The following SCNN1B variants were observed in gnomAD, a reference collection of about 807,000 sequenced individuals.
SCNN1B encodes the protein sodium channel epithelial 1 subunit beta.
A neutral mutation model predicts 65.3 loss-of-function variants in SCNN1B; 46 were observed. The observed-to-expected ratio is 0.70, with a 90% CI of 0.56 to 0.90. The LOEUF is 0.90. Among genes scored for constraint, SCNN1B ranks in the 40% least tolerant of loss-of-function variants. The pLI is 0.00. For synonymous variants in SCNN1B, 349 were observed against 330.6 expected, an observed-to-expected ratio of 1.06 and a Z score of -0.60; for missense variants, 751 against 830.5, an observed-to-expected ratio of 0.90 and a Z score of 1.18.
At chr16:23,364,025 G>A (rs1258628142) in intron 4 of SCNN1B, among the ~76,000 whole-genome samples, 3 of 151,850 alleles carry the variant, frequency 2.0e-5, no homozygotes, top group Non-Finnish European at 4.4e-5. Context: ...AAATTAGCCA[G>A]GCGTGGTGGC....
chr16:23,371,116 G>A (rs1050913158), intron 5 of SCNN1B, among the ~76,000 whole-genome samples, 183 bp from the exon 6 acceptor site: 1 of 152,238 alleles, frequency 6.6e-6, no homozygotes, highest in Non-Finnish European at 1.5e-5. Flanking sequence ...CTGCCTTAGA[G>A]ATGATGGGGG....
intron 2 of SCNN1B, among the ~76,000 whole-genome samples, chr16:23,288,227 A>G (rs1282504292): frequency 6.6e-6 from 1 of 152,162 alleles, no homozygotes; most frequent in East Asian, 1.9e-4. Context: ...GGATATATCT[A>G]TAAAAGAAAA....
chr16:23,321,926 A>G (rs919768838), intron 1 of SCNN1B, among the ~76,000 whole-genome samples: 7 of 152,062 alleles, frequency 4.6e-5, no homozygotes, highest in Non-Finnish European at 1.0e-4. Context: ...TCAGGAAGCT[A>G]AGGTGGAAGG....
intron 2 of SCNN1B, among the ~76,000 whole-genome samples, chr16:23,295,040 G>T (rs1012174515): frequency 2.0e-5 from 3 of 151,960 alleles, no homozygotes; most frequent in Non-Finnish European, 4.4e-5. Context: ...CTCTCCTCTG[G>T]CCTGCATTTG....
chr16:23,355,339 C>T lies in SCNN1B; in HGVS notation c.626C>T (p.Thr209Ile). The T allele has an allele frequency of 1.2e-6, 2 of 1,614,216 alleles. No individual in the cohort carries two copies. The highest frequency in any genetic ancestry group is 1.7e-6 in the Non-Finnish European group (2 of 1,180,034). The change falls in exon 4 of 13, where the codon ACC (threonine) becomes ATC (isoleucine). Residue 209 changes from threonine to isoleucine, a missense_variant. Physicochemically the swap from Thr to Ile is moderately conservative, Grantham distance 89. Coordinates refer to ENST00000343070, the MANE Select transcript of SCNN1B (RefSeq NM_000336.3). Reference protein sequence around the residue: ...NRTQCTFRNFTSATQALTEWY... With the variant: ...NRTQCTFRNFISATQALTEWY... ...ACCCAGTGTACCTTCCGGAACTTCA[C>T]CAGTGCTACCCAGGCATTGACAGAG...
chr16:23,304,194 G>A, intron 1 of SCNN1B: 2 of 985,870 alleles, frequency 2.0e-6, no homozygotes, highest in Non-Finnish European at 3.1e-6. Flanking sequence ...CACAGGATCT[G>A]AATTTAGGGG....
intron 2 of SCNN1B, among the ~76,000 whole-genome samples, chr16:23,284,615 C>T (rs944487094): frequency 6.6e-6 from 1 of 152,092 alleles, no homozygotes; most frequent in African/African-American, 2.4e-5. Flanking sequence ...AGTCTGTGCT[C>T]TTAACCCAGA....
chr16:23,354,571 G>T (rs1269874824), intron 3 of SCNN1B, among the ~76,000 whole-genome samples: 1 of 152,258 alleles, frequency 6.6e-6, no homozygotes, highest in Non-Finnish European at 1.5e-5. Flanking sequence ...GGCTCAGTGT[G>T]ACTGGGTCTG....
At chr16:23,362,448 T>C (rs947426241) in intron 4 of SCNN1B, among the ~76,000 whole-genome samples, 3 of 152,224 alleles carry the variant, frequency 2.0e-5, no homozygotes, top group African/African-American at 7.2e-5. Context: ...AACTAGTTTC[T>C]GCCCTGGAAA....
chr16:23,360,206 A>T (rs1464262019), intron 4 of SCNN1B, among the ~76,000 whole-genome samples: 1 of 131,160 alleles, frequency 7.6e-6, no homozygotes, highest in South Asian at 2.7e-4. Flanking sequence ...TCAAAAAAAT[A>T]AATAAATAAA....
intron 7 of SCNN1B, among the ~76,000 whole-genome samples, chr16:23,374,573 CAAAAAAAAA>C (rs1168924579): frequency 1.2e-4 from 6 of 48,326 alleles, no homozygotes; most frequent in Admixed American, 5.3e-4. Flanking sequence ...GACTCCATCT[CAAAAAAAAA>C]AAAAAAAAAA....
At chr16:23,313,768 C>T (rs1044427660) in intron 1 of SCNN1B, among the ~76,000 whole-genome samples, 6 of 152,178 alleles carry the variant, frequency 3.9e-5, no homozygotes, top group South Asian at 4.1e-4. Context: ...CGCGCCACCA[C>T]GCCCAGCTAA....
upstream of SCNN1B, among the ~76,000 whole-genome samples, chr16:23,300,682 C>CT (rs1012188949): frequency 1.3e-5 from 2 of 152,028 alleles, no homozygotes; most frequent in African/African-American, 4.8e-5. Flanking sequence ...GAAAAATAAA[C>CT]TTTTTTTAAT....
At chr16:23,364,467 T>C (rs1351332475) in intron 4 of SCNN1B, among the ~76,000 whole-genome samples, 1 of 151,862 alleles carries the variant, frequency 6.6e-6, no homozygotes, top group Non-Finnish European at 1.5e-5. Context: ...AAGGCCAGCA[T>C]AGGGACTTTG....
chr16:23,310,315 C>G (rs1218919709), intron 1 of SCNN1B, among the ~76,000 whole-genome samples: 4 of 145,038 alleles, frequency 2.8e-5, no homozygotes. Flanking sequence ...AAAAAAAAAC[C>G]CACATAAACT....
At chr16:23,305,266 C>T (rs531199247) in intron 1 of SCNN1B, among the ~76,000 whole-genome samples, 5 of 151,884 alleles carry the variant, frequency 3.3e-5, no homozygotes, top group Admixed American at 3.3e-4. Context: ...ACAAAGAAGG[C>T]CTGTGGACTT....
chr16:23,332,955 A>G (rs1269200125), intron 1 of SCNN1B, among the ~76,000 whole-genome samples: 1 of 152,130 alleles, frequency 6.6e-6, no homozygotes, highest in Non-Finnish European at 1.5e-5. Flanking sequence ...CTGTAATCCC[A>G]GCTTACTCGG....
chr16:23,336,467 G>C (rs778176073), intron 1 of SCNN1B, among the ~76,000 whole-genome samples: 1 of 151,498 alleles, frequency 6.6e-6, no homozygotes. Context: ...CCCCTCCCGG[G>C]TTCAAGCAAT....
intron 5 of SCNN1B, 139 bp from the exon 6 acceptor site, chr16:23,371,160 G>A (rs1962773993): frequency 4.5e-6 from 4 of 886,566 alleles, no homozygotes; most frequent in Non-Finnish European, 5.2e-6. Flanking sequence ...TGAGGACTGA[G>A]TTTTTGCAAA....
Sources: allele counts gnomAD v4.1 joint callset (sites outside exome capture counted in the v4.1 genomes callset), GRCh38; gene constraint gnomAD v4.1.1; transcripts MANE v1.5; gene names NCBI Gene and HGNC (gene_info 2026-07-23, HGNC 2026-07-21).